The following ACTR3C variants were observed in gnomAD, a reference collection of about 807,000 sequenced individuals.
ACTR3C encodes actin-related protein 3C.
ACTR3C carries 18 observed loss-of-function variants against 26.3 expected under a neutral mutation model. The observed-to-expected ratio is 0.68, with a 90% CI of 0.47 to 1.01. The LOEUF (loss-of-function observed/expected upper bound fraction) is 1.01. Ranked by LOEUF, ACTR3C falls within the 50% of genes least tolerant of loss-of-function variation. The pLI, the probability that ACTR3C is intolerant of heterozygous loss-of-function variation, is 0.00. For missense variants in ACTR3C, 184 were observed against 250.7 expected (o/e 0.73, Z 1.80); for synonymous variants, 55 against 94.5 (o/e 0.58, Z 2.42).
At chr7:150,021,129 T>TA in the ACTR3C span, among the ~76,000 whole-genome samples, 7 of 150,844 alleles carry the variant, frequency 4.6e-5, no homozygotes, top group South Asian at 2.1e-4. Flanking sequence ...CCTTTTTTTT[T>TA]TAAAAAAAAT....
chr7:149,914,901 A>ACGGAGT, the ACTR3C span, among the ~76,000 whole-genome samples: 1 of 142,594 alleles, frequency 7.0e-6, no homozygotes, highest in Non-Finnish European at 1.5e-5. Flanking sequence ...TTTTTTTTGG[A>ACGGAGT]CGGAGTCTTG....
the ACTR3C span, among the ~76,000 whole-genome samples, chr7:149,928,107 T>G: frequency 2.3e-4 from 35 of 152,274 alleles, no homozygotes; most frequent in East Asian, 4.6e-3. Flanking sequence ...ATATGCATTT[T>G]CCCTTTGACC....
downstream of ACTR3C, chr7:150,245,260 G>A (rs1420127209): frequency 1.3e-5 from 2 of 152,262 alleles, no homozygotes; most frequent in African/African-American, 4.8e-5. Flanking sequence ...GTGGATACAG[G>A]TTGAGAACCT....
At chr7:150,199,495 G>A in the ACTR3C span, among the ~76,000 whole-genome samples, 9 of 105,790 alleles carry the variant, frequency 8.5e-5, no homozygotes, top group Admixed American at 9.0e-4. Flanking sequence ...CTCTGCCTAG[G>A]AAAACCAGAG....
At chr7:150,306,435 G>A (rs1444319657) in intron 1 of ACTR3C, among the ~76,000 whole-genome samples, 2 of 152,166 alleles carry the variant, frequency 1.3e-5, no homozygotes, top group African/African-American at 4.8e-5. Context: ...GGTAGTTTAT[G>A]TGATATGCTA....
At chr7:149,945,075 G>A in the ACTR3C span, among the ~76,000 whole-genome samples, 3 of 151,840 alleles carry the variant, frequency 2.0e-5, no homozygotes, top group African/African-American at 7.3e-5. Context: ...TGTTGCCTTA[G>A]GTCAGGTTCC....
At chr7:150,013,551 G>A in the ACTR3C span, among the ~76,000 whole-genome samples, 2 of 152,218 alleles carry the variant, frequency 1.3e-5, no homozygotes, top group African/African-American at 4.8e-5. Context: ...GAACAGGCTG[G>A]AGGCACTGCA....
At chr7:150,090,991 C>T in the ACTR3C span, among the ~76,000 whole-genome samples, 1 of 152,046 alleles carries the variant, frequency 6.6e-6, no homozygotes, top group Non-Finnish European at 1.5e-5. Context: ...GGGCACCATC[C>T]TTTCCCTTCT....
chr7:150,293,868 C>T (rs542140099), intron 2 of ACTR3C, among the ~76,000 whole-genome samples: 1 of 151,936 alleles, frequency 6.6e-6, no homozygotes, highest in Non-Finnish European at 1.5e-5. Flanking sequence ...CCCAGAAGGT[C>T]GCAGCTAGAG....
the ACTR3C span, among the ~76,000 whole-genome samples, chr7:149,904,319 C>A: frequency 6.6e-6 from 1 of 150,784 alleles, no homozygotes. Flanking sequence ...ATCACAAGGT[C>A]AGGAGTTCAA....
chr7:149,983,176 G>A, the ACTR3C span, among the ~76,000 whole-genome samples: 1 of 151,860 alleles, frequency 6.6e-6, no homozygotes. Context: ...CCCAAAAGAA[G>A]GCATGGGGGA....
chr7:149,919,416 T>C, the ACTR3C span, among the ~76,000 whole-genome samples: 8 of 151,908 alleles, frequency 5.3e-5, no homozygotes, highest in Non-Finnish European at 1.2e-4. Context: ...AATTTTTGTA[T>C]TTTTAGTAGA....
chr7:150,310,811 T>A (rs2129615452), intron 1 of ACTR3C, among the ~76,000 whole-genome samples: 1 of 152,310 alleles, frequency 6.6e-6, no homozygotes, highest in Non-Finnish European at 1.5e-5. Context: ...GTTGATGAAC[T>A]TCTTCTTTGC....
chr7:149,890,621 G>C, the ACTR3C span: 1 of 152,502 alleles, frequency 6.6e-6, no homozygotes, highest in Non-Finnish European at 1.5e-5. Context: ...TTGGAGGCCT[G>C]TTTAGCTACT....
intron 6 of ACTR3C, among the ~76,000 whole-genome samples, chr7:150,261,499 G>C (rs1460556400): frequency 6.6e-6 from 1 of 152,216 alleles, no homozygotes. Flanking sequence ...TCAGGAGTTG[G>C]AGATCAGCCT....
the ACTR3C span, among the ~76,000 whole-genome samples, chr7:149,996,357 G>C: frequency 6.7e-6 from 1 of 150,324 alleles, no homozygotes; most frequent in Non-Finnish European, 1.5e-5. Flanking sequence ...CATGACGGGG[G>C]ATGGGGCGAA....
chr7:150,078,922 T>C, the ACTR3C span, among the ~76,000 whole-genome samples: 2 of 152,060 alleles, frequency 1.3e-5, no homozygotes, highest in Non-Finnish European at 1.5e-5. Context: ...CGTGCCAAGC[T>C]CACTTGTCTC....
chr7:150,041,018 C>A, the ACTR3C span, among the ~76,000 whole-genome samples: 1 of 150,150 alleles, frequency 6.7e-6, no homozygotes, highest in African/African-American at 2.5e-5. Flanking sequence ...CGTAGGCTAC[C>A]GGCCTCAGCC....
At chr7:150,088,955 C>CT in the ACTR3C span, among the ~76,000 whole-genome samples, 135 of 152,250 alleles carry the variant, frequency 8.9e-4, no homozygotes, top group African/African-American at 3.2e-3. Context: ...TAAAAACTCG[C>CT]TTTTTTTGTT....
Sources: gnomAD v4.1 joint callset for allele counts (sites outside exome capture counted in the v4.1 genomes callset) on GRCh38, gnomAD v4.1.1 for gene constraint, MANE v1.5 for transcripts, NCBI Gene and HGNC (gene_info 2026-07-23, HGNC 2026-07-21) for gene names.